Variants in KIF21B observed in about 807,000 individuals in gnomAD.
KIF21B encodes the protein kinesin family member 21B.
A neutral mutation model predicts 192.9 loss-of-function variants in KIF21B; 85 were observed. The observed-to-expected ratio is 0.44, with a 90% CI of 0.37 to 0.53. The LOEUF (loss-of-function observed/expected upper bound fraction) is 0.53. Among genes scored for constraint, KIF21B ranks in the 20% least tolerant of loss-of-function variants. KIF21B has a pLI of 0.00. For missense variants in KIF21B, 1,716 were observed against 2,194.8 expected (o/e 0.78, Z 4.36); for synonymous variants, 832 against 884.6 (o/e 0.94, Z 1.05).
chr1:201,016,129 C>T (rs1379454448), intron 1 of KIF21B, among the ~76,000 whole-genome samples: 1 of 152,222 alleles, frequency 6.6e-6, no homozygotes, highest in Non-Finnish European at 1.5e-5. Flanking sequence ...CTCAAAGTCA[C>T]ACAATTTGTA....
intron 17 of KIF21B, 30 bp downstream of exon 17, chr1:200,991,626 AG>A (rs1476816948): frequency 6.2e-7 from 1 of 1,607,212 alleles, no homozygotes; most frequent in Non-Finnish European, 8.5e-7. Flanking sequence ...CAGCAGGGCC[AG>A]GGCCTCGCCA....
chr1:200,989,857 C>A, intron 21 of KIF21B, 85 bp downstream of exon 21: 1 of 1,096,174 alleles, frequency 9.1e-7, no homozygotes, highest in Non-Finnish European at 1.4e-6. Flanking sequence ...TGAGGAGGCG[C>A]CAGGCCCCTG....
At chr1:201,001,004 C>T (rs868275046) in intron 9 of KIF21B, among the ~76,000 whole-genome samples, 1 of 151,380 alleles carries the variant, frequency 6.6e-6, no homozygotes, top group Non-Finnish European at 1.5e-5. Flanking sequence ...CTACTCGGGA[C>T]GCTGAGGCAG....
rs562696992 is a variant in KIF21B at position 200,975,789 on chromosome 1, C to G, written c.4444-120G>C. 1.4e-4 allele frequency: 144 copies of G among 1,011,098 alleles called. 1 individual carries two copies. The highest frequency in any genetic ancestry group is 7.4e-4 in the Admixed American group (25 of 33,650). 62.6% of individuals were successfully genotyped at this position (1,011,098 alleles called of 1,614,324 possible). Reference sequence around the variant, plus strand: ...TCTGGCTAGGGTGACAGCCACTGCCCTCTGGGGAGAGGAGCTTCCCAGCAG... The same window carrying G: ...TCTGGCTAGGGTGACAGCCACTGCCGTCTGGGGAGAGGAGCTTCCCAGCAG... On this transcript the variant is annotated intron_variant, in intron 32 of 34. Coordinates refer to ENST00000461742, the MANE Select transcript of KIF21B (RefSeq NM_001252102.2). This position sits in a 1 kb window ranked among gnomAD's most constrained non-coding sequence, Gnocchi z 4.3.
At chr1:200,974,247 G>T in intron 34 of KIF21B, 1 of 1,507,726 alleles carries the variant, frequency 6.6e-7, no homozygotes, top group East Asian at 2.3e-5. Flanking sequence ...GAGATGGGAA[G>T]GGGAGGGGAG....
In KIF21B at chr1:200,991,149, C is replaced by T. The variant is rs758411092; in HGVS notation, c.2455G>A (p.Val819Ile). 3 of 1,611,360 alleles carry T rather than the reference C, an allele frequency of 1.9e-6. No homozygotes were observed. Among genetic ancestry groups the T allele is most frequent in the African/African-American group, 1.3e-5 (1 of 74,874 alleles). Residue 819 changes from valine (V) to isoleucine (I), a missense_variant and splice_region_variant, in exon 18 of 35, where the codon GTT (valine) becomes ATT (isoleucine). This residue lies in a region of KIF21B where 1,087 missense variants were observed against 1,316.6 expected (regional missense o/e 0.83). Transcript: ENST00000461742. ...TTGGCCAGGCGCCTCAGTGCAGAAA[C>T]CTGGGGCAGCAGGGAGAAAAGAGGG... ...EMVLRRKTQEVSALRRLAKPM... is the reference protein window; with the variant it reads ...EMVLRRKTQEISALRRLAKPM...
chr1:201,006,829 G>A (rs1288681636), intron 3 of KIF21B, among the ~76,000 whole-genome samples: 2 of 150,620 alleles, frequency 1.3e-5, no homozygotes, highest in Non-Finnish European at 3.0e-5. Flanking sequence ...AAGACACAGA[G>A]ATACACAGAC....
In KIF21B at chr1:201,023,317, C is replaced by T. The variant is rs1381366604; in HGVS notation, c.41+26G>A. Reference sequence around the variant, plus strand: ...ACAAAGCCCGAGGCTTCTCCGCGCGCCCCCTTCCCCGCCCCGGGTCCCTAC... The same window carrying T: ...ACAAAGCCCGAGGCTTCTCCGCGCGTCCCCTTCCCCGCCCCGGGTCCCTAC... On this transcript the variant is annotated intron_variant, in intron 1 of 34. Transcript: ENST00000461742. This position sits in a 1 kb window ranked among gnomAD's most constrained non-coding sequence, Gnocchi z 5.9. 2.6e-6 allele frequency: 4 copies of T among 1,520,538 alleles called. No homozygotes were observed. Among genetic ancestry groups the T allele is most frequent in the Non-Finnish European group, 2.6e-6 (3 of 1,135,216 alleles). 94.2% of individuals were successfully genotyped at this position (1,520,538 alleles called of 1,614,324 possible).
chr1:201,018,688 T>G (rs371533339), intron 1 of KIF21B, among the ~76,000 whole-genome samples: 3 of 152,308 alleles, frequency 2.0e-5, no homozygotes, highest in Admixed American at 2.0e-4. Context: ...TGTTTGTGCA[T>G]CTATATGATG....
chr1:201,011,058 G>A (rs1658205621), intron 1 of KIF21B, among the ~76,000 whole-genome samples: 1 of 152,220 alleles, frequency 6.6e-6, no homozygotes. Flanking sequence ...AAGCCCAAAG[G>A]AGGTCACCAC....
Position 200,975,792 on chromosome 1 carries a change from T to A in KIF21B, c.4444-123A>T. ...GGCTAGGGTGACAGCCACTGCCCTC[T>A]GGGGAGAGGAGCTTCCCAGCAGGCG... On this transcript the variant is annotated intron_variant, in intron 32 of 34. Transcript: ENST00000461742. The surrounding 1 kb of genome is among the most constrained non-coding windows in gnomAD (Gnocchi z 4.3). 1.0e-6 allele frequency: 1 copy of A among 965,298 alleles called. No homozygotes were observed. The allele number at this position is 965,298 out of a possible 1,614,324, so 59.8% of individuals were successfully genotyped here. A position where few individuals can be genotyped will look rare whatever the true frequency, so the allele number is the denominator to read the frequency against.
In KIF21B at chr1:200,998,546, G is replaced by C. The variant is rs1399036374; in HGVS notation, c.1915C>G (p.Leu639Val). 6.2e-7 allele frequency: 1 copy of C among 1,613,778 alleles called. No homozygotes were observed. The highest frequency in any genetic ancestry group is 8.5e-7 in the Non-Finnish European group (1 of 1,179,992). Reference sequence around the variant, plus strand: ...TGCTTGATTTCGATCTCACAAGTCAGGTCGGCCAGGTCCGCCTGGAAGTTC... The same window carrying C: ...TGCTTGATTTCGATCTCACAAGTCACGTCGGCCAGGTCCGCCTGGAAGTTC... ...EVNFQADLADLTCEIEIKQKL... is the reference protein window; with the variant it reads ...EVNFQADLADVTCEIEIKQKL... The change falls in exon 14 of 35, where the codon CTG becomes GTG. Residue 639 changes from leucine to valine, a missense_variant. By Grantham distance (32) the Leu-to-Val change is conservative (BLOSUM62 1). Around this residue, in one of 3 missense-constraint regions of KIF21B, gnomAD observed 1,087 missense variants for 1,316.6 expected, o/e 0.83. Coordinates refer to ENST00000461742, the MANE Select transcript of KIF21B (RefSeq NM_001252102.2). The surrounding 1 kb of genome is among the most constrained non-coding windows in gnomAD (Gnocchi z 4.3).
rs1657638027 is a variant in KIF21B at position 201,003,690 on chromosome 1, T to C, written c.1108A>G (p.Ile370Val). ...TGGTTCACTACCACCTTGTTCTTGA[T>C]GTTGCGGGCCCGATTGGCATATTTG... ...TLKYANRARNIKNKVVVNQDK... is the reference protein window; with the variant it reads ...TLKYANRARNVKNKVVVNQDK... Residue 370 changes from isoleucine to valine, a missense_variant, in exon 8 of 35, where the codon ATC (isoleucine) becomes GTC (valine). Ile to Val is a conservative substitution (Grantham distance 29, BLOSUM62 3). Coordinates refer to ENST00000461742, the MANE Select transcript of KIF21B (RefSeq NM_001252102.2). 3 of 1,614,100 alleles carry C rather than the reference T, an allele frequency of 1.9e-6. No individual in the cohort carries two copies. Among genetic ancestry groups the C allele is most frequent in the East Asian group, 2.2e-5 (1 of 44,900 alleles).
In KIF21B at chr1:200,982,222, T is replaced by C. The variant is rs1007611630; in HGVS notation, c.3842+834A>G. Among the ~76,000 whole-genome samples the C allele has an allele frequency of 3.3e-5, 5 of 152,132 alleles. No individual in the cohort carries two copies. Among genetic ancestry groups the C allele is most frequent in the African/African-American group, 9.7e-5 (4 of 41,424 alleles). The stretch of plus-strand genomic sequence containing the variant: ...GCTTCACTGCATGGCCACAGAACTA[T>C]GTCAAAGGGATCATGCTCCCCCCGA... On this transcript the variant is annotated intron_variant, in intron 28 of 34. Coordinates refer to ENST00000461742, the MANE Select transcript of KIF21B (RefSeq NM_001252102.2). The surrounding 1 kb of genome is among the most constrained non-coding windows in gnomAD (Gnocchi z 4.7).
chr1:200,992,499 A>G, intron 15 of KIF21B, 110 bp from the exon 16 acceptor site: 1 of 1,113,852 alleles, frequency 9.0e-7, no homozygotes, highest in Non-Finnish European at 1.3e-6. Flanking sequence ...GTGGCTAGCC[A>G]GGCAACACTG....
chr1:200,994,932 G>A (rs1254638999), intron 15 of KIF21B, among the ~76,000 whole-genome samples: 1 of 152,228 alleles, frequency 6.6e-6, no homozygotes, highest in Non-Finnish European at 1.5e-5. Flanking sequence ...ACCCCACAGG[G>A]TGAACGCACT....
chr1:200,989,858 C>T lies in KIF21B; in HGVS notation c.3132+84G>A. The T allele has an allele frequency of 3.6e-6, 4 of 1,108,146 alleles. No individual in the cohort carries two copies. In the South Asian group the frequency reaches 5.4e-5, roughly 15 times the overall value. The allele number at this position is 1,108,146 out of a possible 1,614,324, so 68.6% of individuals were successfully genotyped here. On this transcript the variant is annotated intron_variant, in intron 21 of 34. Transcript: ENST00000461742. ...GTGAGTGACGCAGGTGAGGAGGCGCCAGGCCCCTGGGCTTCACACTAGGGT... is the reference window on the plus strand; with the variant it reads ...GTGAGTGACGCAGGTGAGGAGGCGCTAGGCCCCTGGGCTTCACACTAGGGT...
rs560608506 is a variant in KIF21B at position 201,002,773 on chromosome 1, C to T, written c.1213-423G>A. 171 of 163,376 alleles carry T rather than the reference C, an allele frequency of 1.0e-3. 1 individual carries two copies. Among genetic ancestry groups the T allele is most frequent in the South Asian group, 4.8e-3 (26 of 5,472 alleles). The allele number at this position is 163,376 out of a possible 1,614,324, so 10.1% of individuals were successfully genotyped here. A position where few individuals can be genotyped will look rare whatever the true frequency, so the allele number is the denominator to read the frequency against. On this transcript the variant is annotated intron_variant, in intron 8 of 34. Coordinates refer to ENST00000461742, the MANE Select transcript of KIF21B (RefSeq NM_001252102.2). ...CCAGACTCAGTCTAGAAGGGGCAGC[C>T]CCTATGCCTCTCCAGCCAACTTGGT...
Position 200,975,672 on chromosome 1 carries a change from G to A in KIF21B, c.4444-3C>T. Reference sequence around the variant, plus strand: ...ACACACTCGCCCAGCTCGAACATCTGTGGGAGGAGGGGCCAGTAGGGAGAG... The same window carrying A: ...ACACACTCGCCCAGCTCGAACATCTATGGGAGGAGGGGCCAGTAGGGAGAG... On this transcript the variant is annotated splice_polypyrimidine_tract_variant and splice_region_variant and intron_variant, in intron 32 of 34. Transcript: ENST00000461742. This position sits in a 1 kb window ranked among gnomAD's most constrained non-coding sequence, Gnocchi z 4.3. The A allele has an allele frequency of 1.2e-6, 2 of 1,605,510 alleles. No individual in the cohort carries two copies. The highest frequency in any genetic ancestry group is 2.2e-5 in the South Asian group (2 of 90,208).
Sources: gnomAD v4.1 joint callset for allele counts (sites outside exome capture counted in the v4.1 genomes callset) on GRCh38, gnomAD v4.1.1 for gene constraint, gnomAD v4.1.1 regional missense constraint, Gnocchi (gnomAD v3.1) non-coding constraint, MANE v1.5 for transcripts, NCBI Gene and HGNC (gene_info 2026-07-23, HGNC 2026-07-21) for gene names.